The following SIK2 variants were observed in gnomAD, a reference collection of about 807,000 sequenced individuals.
SIK2 encodes salt inducible kinase 2, also known as serine/threonine-protein kinase SIK2.
In SIK2, 29 loss-of-function variants were observed where a neutral mutation model predicts 103.2. That is an observed-to-expected ratio of 0.28 (90% CI 0.21 to 0.38). SIK2 has a LOEUF of 0.38. SIK2 is among the 10% of genes least tolerant of loss of function. The pLI is 1.00. For missense variants in SIK2, 879 were observed against 1,171.0 expected, an observed-to-expected ratio of 0.75 and a Z score of 3.64; for synonymous variants, 412 against 446.1, an observed-to-expected ratio of 0.92 and a Z score of 0.96.
At chr11:111,693,445 C>T (rs373489344) in intron 4 of SIK2, among the ~76,000 whole-genome samples, 53 of 152,182 alleles carry the variant, frequency 3.5e-4, no homozygotes, top group African/African-American at 1.3e-3. Context: ...AGTGTGAGGA[C>T]ATTCACAGTA....
intron 3 of SIK2, among the ~76,000 whole-genome samples, chr11:111,647,143 TA>T (rs1482371658): frequency 6.6e-6 from 1 of 152,238 alleles, no homozygotes; most frequent in Non-Finnish European, 1.5e-5. Flanking sequence ...GTCCATCAAT[TA>T]AACATGCCAT....
At chr11:111,627,659 T>C (rs1480504366) in intron 3 of SIK2, among the ~76,000 whole-genome samples, 3 of 152,206 alleles carry the variant, frequency 2.0e-5, no homozygotes, top group African/African-American at 7.2e-5. Context: ...AGATAAACAG[T>C]AGTTAACTTT....
chr11:111,714,339 T>C (rs964808591), intron 9 of SIK2, among the ~76,000 whole-genome samples: 3 of 152,156 alleles, frequency 2.0e-5, no homozygotes, highest in African/African-American at 4.8e-5. Flanking sequence ...AATATGGGGA[T>C]AGGGTTTGGT....
chr11:111,687,611 A>T (rs1195906038), intron 3 of SIK2, among the ~76,000 whole-genome samples: 1 of 126,272 alleles, frequency 7.9e-6, no homozygotes, highest in Non-Finnish European at 1.6e-5. Flanking sequence ...TTTAAAAAAA[A>T]AAACTTTTTT....
intron 3 of SIK2, among the ~76,000 whole-genome samples, chr11:111,638,113 T>C (rs1942134283): frequency 6.6e-6 from 1 of 152,232 alleles, no homozygotes; most frequent in South Asian, 2.1e-4. Flanking sequence ...AGTTGATGGA[T>C]TACCAAGAGA....
In SIK2 at chr11:111,720,349, T is replaced by C. The variant is rs181921625; in HGVS notation, c.1496-129T>C. 1.5e-5 allele frequency: 16 copies of C among 1,033,432 alleles called. No individual in the cohort carries two copies. In the African/African-American group the frequency reaches 2.4e-4, roughly 16 times the overall value. 64.0% of individuals were successfully genotyped at this position (1,033,432 alleles called of 1,614,324 possible). A position where few individuals can be genotyped will look rare whatever the true frequency, so the allele number is the denominator to read the frequency against. Reference sequence around the variant, plus strand: ...ACTAAATTGGCCAGTAAAAGGGCTCTGAAAAGATGTTTTGATTGGAAATTA... The same window carrying C: ...ACTAAATTGGCCAGTAAAAGGGCTCCGAAAAGATGTTTTGATTGGAAATTA... On this transcript the variant is annotated intron_variant, in intron 10 of 14. Coordinates refer to ENST00000304987, the MANE Select transcript of SIK2 (RefSeq NM_015191.3).
chr11:111,695,386 G>A (rs890492574), intron 4 of SIK2, among the ~76,000 whole-genome samples: 1 of 151,934 alleles, frequency 6.6e-6, no homozygotes, highest in Non-Finnish European at 1.5e-5. Flanking sequence ...TTGAAGATTG[G>A]TTTTCAATGT....
intron 3 of SIK2, among the ~76,000 whole-genome samples, chr11:111,645,779 C>A (rs12271657): frequency 1.3e-5 from 2 of 151,308 alleles, no homozygotes; most frequent in Non-Finnish European, 2.9e-5. Flanking sequence ...GATGCCATTG[C>A]GCCCTAGCCT....
intron 3 of SIK2, among the ~76,000 whole-genome samples, chr11:111,656,541 C>A (rs943629293): frequency 2.0e-5 from 3 of 152,124 alleles, no homozygotes; most frequent in Non-Finnish European, 2.9e-5. Context: ...TAGTTGTCGC[C>A]ATTTTTTAAA....
intron 9 of SIK2, among the ~76,000 whole-genome samples, chr11:111,718,361 A>C (rs368649288): frequency 3.1e-4 from 47 of 152,342 alleles, no homozygotes; most frequent in African/African-American, 1.1e-3. Context: ...CTGGGGAAGG[A>C]CCAAGGAGAG....
intron 2 of SIK2, among the ~76,000 whole-genome samples, chr11:111,619,677 G>A (rs1035118820): frequency 6.6e-6 from 1 of 152,156 alleles, no homozygotes; most frequent in African/African-American, 2.4e-5. Flanking sequence ...TCTATTTAGT[G>A]TAGTTTGAAA....
chr11:111,672,179 T>C (rs899651287), intron 3 of SIK2: 32 of 425,240 alleles, frequency 7.5e-5, no homozygotes, highest in Non-Finnish European at 2.2e-5. Flanking sequence ...AGGCTCTGGT[T>C]TACCATAATG....
intron 3 of SIK2, among the ~76,000 whole-genome samples, chr11:111,624,289 T>C (rs1486845722): frequency 1.3e-5 from 2 of 152,248 alleles, no homozygotes; most frequent in Non-Finnish European, 2.9e-5. Flanking sequence ...TTTCCCTCTT[T>C]TGCTTAATTT....
Position 111,721,939 on chromosome 11 carries a change from A to T in SIK2, c.2054A>T (p.Gln685Leu). ...ACCCAGTACCTGCAGCACAGACTCC[A>T]GGTGGGTCCTTCTCCTTGCGAGTCC... ...LETQYLQHRL[Q>L]KPSLLSKAQN... is the part of the protein sequence containing the mutation. The change falls in exon 13 of 15, where the codon CAG (glutamine) becomes CTG (leucine). Residue 685 changes from glutamine to leucine, a missense_variant and splice_region_variant. Gln to Leu is a moderately radical substitution (Grantham distance 113). This residue lies in a region of SIK2 where 375 missense variants were observed against 416.3 expected (regional missense o/e 0.90). Coordinates refer to ENST00000304987, the MANE Select transcript of SIK2 (RefSeq NM_015191.3). The T allele has an allele frequency of 6.3e-7, 1 of 1,592,638 alleles. No individual in the cohort carries two copies. The highest frequency in any genetic ancestry group is 8.5e-7 in the Non-Finnish European group (1 of 1,170,930).
At chr11:111,706,034 G>T (rs1388794482) in intron 8 of SIK2, among the ~76,000 whole-genome samples, 1 of 152,198 alleles carries the variant, frequency 6.6e-6, no homozygotes, top group Non-Finnish European at 1.5e-5. Context: ...TAGAAGCAGG[G>T]ACTCTGGAGC....
At chr11:111,670,837 AGGGCTGAGC>A (rs1350171885) in intron 3 of SIK2, 3 of 152,706 alleles carry the variant, frequency 2.0e-5, no homozygotes, top group African/African-American at 7.2e-5. Context: ...GCTGAAGGCT[AGGGCTGAGC>A]CTCAGGTGGG....
intron 3 of SIK2, among the ~76,000 whole-genome samples, chr11:111,674,621 A>G (rs1942677001): frequency 6.6e-6 from 1 of 152,242 alleles, no homozygotes; most frequent in African/African-American, 2.4e-5. Flanking sequence ...GGAACATAAA[A>G]TACCACAATC....
chr11:111,692,388 A>AAAAAAAAAC (rs1942967737), intron 4 of SIK2, among the ~76,000 whole-genome samples: 7 of 110,916 alleles, frequency 6.3e-5, no homozygotes, highest in Non-Finnish European at 5.9e-5. Flanking sequence ...AAAAAAAAAA[A>AAAAAAAAAC]CACAAAAAGG....
rs1943928700 is a variant in SIK2 at position 111,725,193 on chromosome 11, A to G, written c.*1064A>G. 6.6e-6 allele frequency: 1 copy of G among 152,590 alleles called. No homozygotes were observed. The highest frequency in any genetic ancestry group is 2.4e-5 in the African/African-American group (1 of 41,434). 9.5% of individuals were successfully genotyped at this position (152,590 alleles called of 1,614,324 possible). A position where few individuals can be genotyped will look rare whatever the true frequency, so the allele number is the denominator to read the frequency against. ...TGCCTTTCCCCCAGATCATGCTTTA[A>G]TTCTTTCTTTTCTGTAGAAACCAAC... is the stretch of plus-strand genomic sequence containing the variant. On this transcript the variant is annotated 3_prime_UTR_variant, in exon 15 of 15. Transcript: ENST00000304987.
Sources: allele counts gnomAD v4.1 joint callset (sites outside exome capture counted in the v4.1 genomes callset), GRCh38; gene constraint gnomAD v4.1.1; regional missense constraint gnomAD v4.1.1; transcripts MANE v1.5; gene names NCBI Gene and HGNC (gene_info 2026-07-23, HGNC 2026-07-21).